FGGY: variants seen among roughly 807,000 people sequenced by gnomAD.
FGGY encodes FGGY carbohydrate kinase domain-containing protein.
A neutral mutation model predicts 71.3 loss-of-function variants in FGGY; 72 were observed. That is an observed-to-expected ratio of 1.01 (90% confidence interval 0.84 to 1.23). FGGY has a LOEUF of 1.23. FGGY is among the 50% of genes most tolerant of loss of function. The pLI is 0.00. For synonymous variants in FGGY, 251 were observed against 250.3 expected (o/e 1.00, Z -0.02); for missense variants, 668 against 682.3 (o/e 0.98, Z 0.23).
intron 14 of FGGY, among the ~76,000 whole-genome samples, chr1:59,691,131 C>T (rs2097583465): frequency 6.6e-6 from 1 of 152,250 alleles, no homozygotes; most frequent in African/African-American, 2.4e-5. Flanking sequence ...TTATCCATCA[C>T]ACCCTCTTTC....
chr1:59,518,180 G>A (rs1269102390), intron 7 of FGGY, among the ~76,000 whole-genome samples: 1 of 152,180 alleles, frequency 6.6e-6, no homozygotes, highest in Non-Finnish European at 1.5e-5. Context: ...CTTTTTAAAT[G>A]GAAGAATTTA....
In FGGY at chr1:59,614,094, T is replaced by C. The variant is rs541043720; in HGVS notation, c.1011+6184T>C. On this transcript the variant is annotated intron_variant, in intron 9 of 15. Transcript: ENST00000303721. ...ACAAGGAGGAACTGGTACCACTCCT[T>C]CTGAAACTATTCCAATCAATAGGAA... 3.9e-5 allele frequency among the ~76,000 whole-genome samples: 6 copies of C among 152,310 alleles called. No homozygotes were observed. The South Asian group carries it at 1.0e-3, about 26-fold the overall frequency.
chr1:59,620,178 G>C (rs1461249901), intron 9 of FGGY, among the ~76,000 whole-genome samples: 2 of 151,902 alleles, frequency 1.3e-5, no homozygotes, highest in Non-Finnish European at 2.9e-5. Context: ...TCTTAGTAAA[G>C]AGTACCATCA....
intron 14 of FGGY, among the ~76,000 whole-genome samples, chr1:59,702,191 C>G (rs910049020): frequency 6.6e-6 from 1 of 152,144 alleles, no homozygotes; most frequent in East Asian, 1.9e-4. Flanking sequence ...TCACCTCTCA[C>G]CAGGTTCCTC....
At chr1:59,480,422 C>G (rs995215076) in intron 6 of FGGY, among the ~76,000 whole-genome samples, 3 of 152,146 alleles carry the variant, frequency 2.0e-5, no homozygotes, top group African/African-American at 7.2e-5. Flanking sequence ...GGACAAAGGG[C>G]AAAAGTATGG....
At chr1:59,586,292 A>T (rs2096285048) in intron 8 of FGGY, among the ~76,000 whole-genome samples, 1 of 152,222 alleles carries the variant, frequency 6.6e-6, no homozygotes. Context: ...TGGATTAAGA[A>T]AATGTGGCAA....
intron 5 of FGGY, among the ~76,000 whole-genome samples, chr1:59,440,518 AAAAAT>A (rs1338858038): frequency 6.6e-6 from 1 of 151,884 alleles, no homozygotes; most frequent in Non-Finnish European, 1.5e-5. Flanking sequence ...CTTCCTATGC[AAAAAT>A]AAAATAGATA....
intron 8 of FGGY, among the ~76,000 whole-genome samples, chr1:59,562,170 G>T (rs1215671239): frequency 6.6e-6 from 1 of 152,130 alleles, no homozygotes; most frequent in Non-Finnish European, 1.5e-5. Flanking sequence ...ACAAAAATTT[G>T]TACAGTAATG....
chr1:59,316,569 AT>A (rs1233068226), intron 1 of FGGY, among the ~76,000 whole-genome samples: 1 of 152,102 alleles, frequency 6.6e-6, no homozygotes, highest in African/African-American at 2.4e-5. Flanking sequence ...CAGTTTGCAC[AT>A]TTGTTGAAGA....
At chr1:59,532,652 G>T (rs1440936447) in intron 7 of FGGY, among the ~76,000 whole-genome samples, 1 of 151,960 alleles carries the variant, frequency 6.6e-6, no homozygotes. Context: ...CGAGTAGAAA[G>T]GAACTTATTT....
At chr1:59,410,077 G>C (rs2063378069) in intron 5 of FGGY, among the ~76,000 whole-genome samples, 1 of 152,138 alleles carries the variant, frequency 6.6e-6, no homozygotes, top group Admixed American at 6.5e-5. Context: ...AAGGCCATTG[G>C]TATGAGGCCA....
At position 59,457,024 on chromosome 1, in the gene FGGY, C is replaced by T. The variant is rs754280313; in HGVS notation, c.618C>T (p.Phe206=). Residue 206 remains phenylalanine, a synonymous_variant, in exon 6 of 16, where the codon TTC becomes TTT. Transcript: ENST00000303721. ...YSAEKGWDDS[F]WKMIGLEDFV... The stretch of plus-strand genomic sequence containing the variant: ...CAGAGAAAGGCTGGGACGACAGTTT[C>T]TGGAAAATGATTGGTTTGGAAGACT... The T allele has an allele frequency of 1.2e-6, 2 of 1,614,074 alleles. No individual in the cohort carries two copies. The highest frequency in any genetic ancestry group is 2.2e-5 in the South Asian group (2 of 91,086).
chr1:59,456,888 G>A (rs1197083384), intron 5 of FGGY, 73 bp from the exon 6 acceptor site: 45 of 929,826 alleles, frequency 4.8e-5, no homozygotes, highest in Non-Finnish European at 6.6e-5. Flanking sequence ...ATACCTGGAC[G>A]GGTATTTTGC....
At chr1:59,595,859 A>G (rs1027361922) in intron 8 of FGGY, among the ~76,000 whole-genome samples, 2 of 152,144 alleles carry the variant, frequency 1.3e-5, no homozygotes, top group Admixed American at 1.3e-4. Flanking sequence ...CATACCCTAG[A>G]TAGCCTATTC....
intron 6 of FGGY, among the ~76,000 whole-genome samples, chr1:59,496,957 G>A (rs2094054765): frequency 6.6e-6 from 1 of 152,158 alleles, no homozygotes; most frequent in African/African-American, 2.4e-5. Flanking sequence ...GGGAAACACT[G>A]ATTTAAGGCA....
chr1:59,466,655 A>G (rs953446292), intron 6 of FGGY, among the ~76,000 whole-genome samples: 19 of 152,240 alleles, frequency 1.2e-4, no homozygotes, highest in Non-Finnish European at 2.6e-4. Context: ...AAACAACTTT[A>G]CAAGAAAAAA....
At chr1:59,398,210 C>T (rs2061543583) in intron 5 of FGGY, among the ~76,000 whole-genome samples, 1 of 151,880 alleles carries the variant, frequency 6.6e-6, no homozygotes. Flanking sequence ...TCAATTTTGT[C>T]TAATTATTGT....
At chr1:59,598,339 A>G (rs1363786825) in intron 8 of FGGY, among the ~76,000 whole-genome samples, 1 of 152,168 alleles carries the variant, frequency 6.6e-6, no homozygotes, top group Non-Finnish European at 1.5e-5. Context: ...CTCTCTTGCA[A>G]AGCAATCTGG....
intron 1 of FGGY, among the ~76,000 whole-genome samples, chr1:59,300,262 C>G (rs562748115): frequency 6.6e-6 from 1 of 152,102 alleles, no homozygotes; most frequent in Non-Finnish European, 1.5e-5. Flanking sequence ...TTGCTTGTGC[C>G]CTTTTTAATT....
Sources: gnomAD v4.1 joint callset for allele counts (sites outside exome capture counted in the v4.1 genomes callset) on GRCh38, gnomAD v4.1.1 for gene constraint, MANE v1.5 for transcripts, NCBI Gene and HGNC (gene_info 2026-07-23, HGNC 2026-07-21) for gene names.